The following DLG2 variants were observed in gnomAD, a reference collection of about 807,000 sequenced individuals.
DLG2 encodes the protein discs large MAGUK scaffold protein 2.
DLG2 carries 45 observed loss-of-function variants against 132.5 expected under a neutral mutation model. That is an observed-to-expected ratio of 0.34 (90% CI 0.27 to 0.44). The LOEUF is 0.44. Among genes scored for constraint, DLG2 ranks in the 20% least tolerant of loss-of-function variants. DLG2 has a pLI of 1.00. For synonymous variants in DLG2, 424 were observed against 419.6 expected, an observed-to-expected ratio of 1.01 and a Z score of -0.13; for missense variants, 1,045 against 1,196.9, an observed-to-expected ratio of 0.87 and a Z score of 1.87.
At chr11:84,074,183 A>G (rs2096793157) in intron 10 of DLG2, among the ~76,000 whole-genome samples, 1 of 152,198 alleles carries the variant, frequency 6.6e-6, no homozygotes, top group African/African-American at 2.4e-5. Flanking sequence ...AAGCCCTATG[A>G]CAGAAGAAAT....
intron 7 of DLG2, among the ~76,000 whole-genome samples, chr11:84,390,802 C>G (rs1024291287): frequency 6.6e-6 from 1 of 152,102 alleles, no homozygotes; most frequent in African/African-American, 2.4e-5. Flanking sequence ...CCATGGTAAC[C>G]ATAAAATCTC....
intron 3 of DLG2, among the ~76,000 whole-genome samples, chr11:85,472,706 G>C (rs958074792): frequency 6.6e-6 from 1 of 152,200 alleles, no homozygotes; most frequent in Non-Finnish European, 1.5e-5. Context: ...CCGCCAAAAG[G>C]CAGGTGCCAA....
chr11:83,967,230 A>G (rs974408780), intron 12 of DLG2, among the ~76,000 whole-genome samples: 9 of 152,114 alleles, frequency 5.9e-5, no homozygotes, highest in South Asian at 2.1e-4. Flanking sequence ...TGGTGATTTC[A>G]TCTTCTCTGG....
chr11:85,561,351 AAAAAAAAAAAAAAAAAAT>A (rs2077229835), intron 3 of DLG2, among the ~76,000 whole-genome samples: 1 of 147,126 alleles, frequency 6.8e-6, no homozygotes, highest in African/African-American at 2.5e-5. Flanking sequence ...AAAAAAAAAA[AAAAAAAAAAAAAAAAAAT>A]AGCTGTGTAA....
chr11:83,789,458 A>G (rs2040910383), intron 17 of DLG2, among the ~76,000 whole-genome samples: 2 of 152,216 alleles, frequency 1.3e-5, no homozygotes, highest in Non-Finnish European at 2.9e-5. Context: ...GGTAATTCAC[A>G]CTTCTAAAAC....
At chr11:84,178,027 T>C (rs1302108791) in intron 8 of DLG2, among the ~76,000 whole-genome samples, 2 of 151,840 alleles carry the variant, frequency 1.3e-5, no homozygotes, top group Non-Finnish European at 2.9e-5. Flanking sequence ...TGCTGAATGT[T>C]AGTTAACAAC....
At chr11:83,970,237 C>T (rs1470545503) in intron 12 of DLG2, among the ~76,000 whole-genome samples, 1 of 152,106 alleles carries the variant, frequency 6.6e-6, no homozygotes, top group Non-Finnish European at 1.5e-5. Context: ...TTAAATTGCA[C>T]CTTTTGCCAT....
At chr11:84,018,702 A>G (rs955433269) in intron 11 of DLG2, among the ~76,000 whole-genome samples, 4 of 151,932 alleles carry the variant, frequency 2.6e-5, no homozygotes, top group Non-Finnish European at 5.9e-5. Context: ...ATATTGAACT[A>G]TATTATGGGT....
intron 6 of DLG2, chr11:84,923,180 C>G (rs1249894988): frequency 6.2e-7 from 1 of 1,611,502 alleles, no homozygotes; most frequent in Non-Finnish European, 8.5e-7. Context: ...AAGCCCCACA[C>G]ACACGATCCT....
intron 25 of DLG2, 53 bp downstream of exon 25, chr11:83,469,148 T>C (rs1044051022): frequency 2.8e-5 from 39 of 1,416,378 alleles, no homozygotes; most frequent in Non-Finnish European, 3.5e-5. Flanking sequence ...AAAATGCAGT[T>C]TGCAACCTAG....
intron 18 of DLG2, among the ~76,000 whole-genome samples, chr11:83,773,632 T>C (rs1398456710): frequency 6.6e-6 from 1 of 152,230 alleles, no homozygotes; most frequent in Non-Finnish European, 1.5e-5. Context: ...AAGATCAATA[T>C]TTGGGAGCTC....
intron 3 of DLG2, among the ~76,000 whole-genome samples, chr11:85,449,092 C>A (rs907583155): frequency 6.6e-6 from 1 of 152,028 alleles, no homozygotes; most frequent in African/African-American, 2.4e-5. Flanking sequence ...TGAATTTATT[C>A]TGTCCTTTTT....
rs1412028365 is a variant in DLG2 at position 85,139,267 on chromosome 11, A to C, written c.282+15289T>G. 2.0e-5 allele frequency among the ~76,000 whole-genome samples: 3 copies of C among 152,090 alleles called. No homozygotes were observed. The East Asian group carries it at 5.8e-4, about 29-fold the overall frequency. ...GTCCATGGCAATCTCACCAGTGTTT[A>C]GAACATAACAGATGCTAAACAGAGA... On this transcript the variant is annotated intron_variant, in intron 5 of 27. Coordinates refer to ENST00000376104, the MANE Select transcript of DLG2 (RefSeq NM_001142699.3).
At chr11:85,087,844 C>CAAAAAAAAAA (rs71465019) in intron 6 of DLG2, among the ~76,000 whole-genome samples, 11 of 22,054 alleles carry the variant, frequency 5.0e-4, no homozygotes, top group African/African-American at 1.1e-3. Context: ...GACTCCGTCT[C>CAAAAAAAAAA]AAAAAAAAAA....
intron 6 of DLG2, among the ~76,000 whole-genome samples, chr11:84,649,425 T>C (rs1431435170): frequency 2.6e-5 from 4 of 152,186 alleles, no homozygotes; most frequent in Non-Finnish European, 5.9e-5. Flanking sequence ...ATGAGGTAGA[T>C]ATTATTAGTG....
chr11:85,028,021 C>T (rs536988150), intron 6 of DLG2, among the ~76,000 whole-genome samples: 3 of 152,228 alleles, frequency 2.0e-5, no homozygotes, highest in East Asian at 3.9e-4. Context: ...GTGACCAAGG[C>T]GGAGAGGAGA....
intron 8 of DLG2, among the ~76,000 whole-genome samples, chr11:84,175,545 T>C (rs1428070993): frequency 3.3e-5 from 5 of 152,154 alleles, no homozygotes; most frequent in Non-Finnish European, 7.4e-5. Context: ...TTGCTAACAA[T>C]GAGCTGCATC....
chr11:84,988,494 A>G (rs905149867), intron 6 of DLG2, among the ~76,000 whole-genome samples: 10 of 152,216 alleles, frequency 6.6e-5, no homozygotes, highest in Non-Finnish European at 1.2e-4. Flanking sequence ...GTGCCTAAAG[A>G]AACTGATATT....
intron 14 of DLG2, among the ~76,000 whole-genome samples, chr11:83,951,072 A>G (rs1473464096): frequency 2.6e-5 from 4 of 152,218 alleles, no homozygotes; most frequent in Non-Finnish European, 4.4e-5. Context: ...GAAAAGGAGA[A>G]AGAGAAAACA....
Sources: allele counts gnomAD v4.1 joint callset (sites outside exome capture counted in the v4.1 genomes callset), GRCh38; gene constraint gnomAD v4.1.1; transcripts MANE v1.5; gene names NCBI Gene and HGNC (gene_info 2026-07-23, HGNC 2026-07-21).